The following SPNS3 variants were observed in gnomAD, a reference collection of about 807,000 sequenced individuals.
SPNS3 encodes SPNS lysolipid transporter 3, sphingosine-1-phosphate (putative).
SPNS3 carries 51 observed loss-of-function variants against 54.4 expected under a neutral mutation model. That is an observed-to-expected ratio of 0.94 (90% CI 0.75 to 1.18). The LOEUF is 1.18. Ranked by LOEUF, SPNS3 falls within the 50% of genes most tolerant of loss-of-function variation. The pLI is 0.00. For missense variants in SPNS3, 669 were observed against 677.4 expected (o/e 0.99, Z 0.14); for synonymous variants, 309 against 294.7 (o/e 1.05, Z -0.50).
chr17:4,477,103 C>T (rs1015781894), intron 8 of SPNS3, among the ~76,000 whole-genome samples: 2 of 152,226 alleles, frequency 1.3e-5, no homozygotes, highest in African/African-American at 2.4e-5. Flanking sequence ...ATGCTGGGAA[C>T]CCCCACTCCC....
intron 8 of SPNS3, among the ~76,000 whole-genome samples, chr17:4,468,575 C>A (rs368748180): frequency 1.7e-5 from 2 of 121,158 alleles, no homozygotes; most frequent in African/African-American, 6.4e-5. Context: ...GGGCAGGGGG[C>A]GGTGGCGGCG....
Position 4,486,544 on chromosome 17 carries a change from C to T in SPNS3, c.1411C>T (p.Leu471=). The T allele has an allele frequency of 6.2e-7, 1 of 1,613,306 alleles. No homozygotes were observed. Among genetic ancestry groups the T allele is most frequent in the Non-Finnish European group, 8.5e-7 (1 of 1,179,822 alleles). ...GGCFLLTALY[L]ERDETRAWQP... ...CTGCTTCCTGCTGACTGCGCTGTAC[C>T]TGGAGAGAGACGAGACCCGGGCCTG... The change falls in exon 11 of 12, where the codon CTG becomes TTG. Residue 471 remains leucine, a synonymous_variant. Transcript: ENST00000355530. The surrounding 1 kb of genome is among the most constrained non-coding windows in gnomAD (Gnocchi z 5.5).
intron 8 of SPNS3, among the ~76,000 whole-genome samples, chr17:4,468,334 G>A (rs533743650): frequency 6.8e-4 from 104 of 152,266 alleles, no homozygotes; most frequent in Non-Finnish European, 1.2e-3. Context: ...GGCAGAAACA[G>A]AGAAATCACT....
At position 4,482,744 on chromosome 17, in the gene SPNS3, G is replaced by A. The variant is rs188860455; in HGVS notation, c.1180-3484G>A. Among the ~76,000 whole-genome samples, 16 of 152,192 alleles carry A rather than the reference G, an allele frequency of 1.1e-4. 1 individual carries two copies. In the East Asian group the frequency reaches 1.2e-3, roughly 11 times the overall value. On this transcript the variant is annotated intron_variant, in intron 9 of 11. Transcript: ENST00000355530. The stretch of plus-strand genomic sequence containing the variant: ...CCCCAGGCAGAGCTCCCTGCCTCCC[G>A]AAACCTAGTCATGAGGTCTTCAGCT...
chr17:4,438,295 G>A (rs1369417880), intron 1 of SPNS3, among the ~76,000 whole-genome samples: 1 of 152,170 alleles, frequency 6.6e-6, no homozygotes, highest in Admixed American at 6.5e-5. Context: ...AGCTTCAGAC[G>A]GGCAACCTTG....
intron 8 of SPNS3, among the ~76,000 whole-genome samples, chr17:4,466,591 C>T (rs1971682654): frequency 6.7e-6 from 1 of 149,638 alleles, no homozygotes; most frequent in Non-Finnish European, 1.5e-5. Flanking sequence ...CCTGTAACCC[C>T]AGCATTTTGG....
intron 8 of SPNS3, among the ~76,000 whole-genome samples, chr17:4,463,080 G>A (rs1467651337): frequency 6.6e-6 from 1 of 151,978 alleles, no homozygotes; most frequent in Non-Finnish European, 1.5e-5. Context: ...GTGTGTATAT[G>A]TTCATTCTTG....
At chr17:4,466,697 C>CTAAGTG (rs1971685596) in intron 8 of SPNS3, among the ~76,000 whole-genome samples, 1 of 151,518 alleles carries the variant, frequency 6.6e-6, no homozygotes, top group African/African-American at 2.4e-5. Context: ...CAAAAATTAG[C>CTAAGTG]TGGGCATGGT....
chr17:4,445,020 TGTCTCCTTCA>T lies in SPNS3; in HGVS notation c.266-7_268del. On this transcript the variant is annotated splice_acceptor_variant and splice_polypyrimidine_tract_variant and intron_variant, in intron 2 of 11. Transcript: ENST00000355530. LOFTEE classifies it high-confidence loss of function. ...TGGGGGGATCCAGGCTGCCCCTGTG[TGTCTCCTTCA>T]GTCTTCGTTAGCTGCCTGCTGCTGT... is the stretch of plus-strand genomic sequence containing the variant. 6.2e-7 allele frequency: 1 copy of T among 1,611,720 alleles called. No individual in the cohort carries two copies. The highest frequency in any genetic ancestry group is 1.7e-5 in the Admixed American group (1 of 59,846).
At chr17:4,470,065 G>C (rs1971815503) in intron 8 of SPNS3, among the ~76,000 whole-genome samples, 1 of 152,080 alleles carries the variant, frequency 6.6e-6, no homozygotes, top group Non-Finnish European at 1.5e-5. Flanking sequence ...TTATGGTTAG[G>C]TAAAAATAGT....
intron 4 of SPNS3, 103 bp from the exon 5 acceptor site, chr17:4,446,793 G>C: frequency 1.9e-6 from 2 of 1,077,408 alleles, no homozygotes; most frequent in South Asian, 1.3e-5. Flanking sequence ...CAGAGAGCCA[G>C]CTCCCTGGGG....
At chr17:4,458,561 C>CT (rs1216816348) in intron 8 of SPNS3, among the ~76,000 whole-genome samples, 5 of 99,886 alleles carry the variant, frequency 5.0e-5, no homozygotes, top group Admixed American at 5.0e-4. Flanking sequence ...TCCTTTCTTC[C>CT]TTCCCTCCTT....
chr17:4,435,449 A>T (rs946919554), intron 1 of SPNS3, among the ~76,000 whole-genome samples: 28 of 147,708 alleles, frequency 1.9e-4, no homozygotes, highest in African/African-American at 4.3e-4. Flanking sequence ...TCAAAAAAAA[A>T]AAAATAAAAA....
intron 3 of SPNS3, among the ~76,000 whole-genome samples, 158 bp from the exon 4 acceptor site, chr17:4,445,890 G>A (rs1970971975): frequency 6.6e-6 from 1 of 152,010 alleles, no homozygotes; most frequent in Admixed American, 6.5e-5. Context: ...TTTGACTTTG[G>A]GAACCTGGAG....
Position 4,445,114 on chromosome 17 carries a change from C to A in SPNS3, c.348C>A (p.Phe116Leu). 1 of 1,614,166 alleles carries A rather than the reference C, an allele frequency of 6.2e-7. No homozygotes were observed. Among genetic ancestry groups the A allele is most frequent in the Non-Finnish European group, 8.5e-7 (1 of 1,180,002 alleles). The change falls in exon 3 of 12, where the codon TTC (phenylalanine) becomes TTA (leucine). Residue 116 changes from phenylalanine to leucine, a missense_variant. Coordinates refer to ENST00000355530, the MANE Select transcript of SPNS3 (RefSeq NM_182538.5). Reference sequence around the variant, plus strand: ...ATAGCCGCAAGGCTACCATGAGCTTCGGTATCTTGCTGTGGTCAGGAGCTG... The same window carrying A: ...ATAGCCGCAAGGCTACCATGAGCTTAGGTATCTTGCTGTGGTCAGGAGCTG... ...DRHSRKATMS[F>L]GILLWSGAGL... is the part of the protein sequence containing the mutation.
intron 6 of SPNS3, among the ~76,000 whole-genome samples, chr17:4,448,600 C>T (rs1971068348): frequency 6.6e-6 from 1 of 152,230 alleles, no homozygotes. Context: ...GCCTCAACGT[C>T]CTTTGTATTC....
Position 4,469,818 on chromosome 17 carries a change from G to C in SPNS3, c.1114-8754G>C, listed in dbSNP as rs1456937754. Among the ~76,000 whole-genome samples, 10 of 152,122 alleles carry C rather than the reference G, an allele frequency of 6.6e-5. No homozygotes were observed. The East Asian group carries it at 1.9e-3, about 29-fold the overall frequency. On this transcript the variant is annotated intron_variant, in intron 8 of 11. Transcript: ENST00000355530. ...CAGTGCTACCGTGGTGAGGTCAAGG[G>C]TGGGACCAACAATTCACTGTATCGT...
rs528274521 is a variant in SPNS3, at chr17:4,453,881, A to G, written c.1113+676A>G. Among the ~76,000 whole-genome samples, 6 of 152,324 alleles carry G rather than the reference A, an allele frequency of 3.9e-5. No individual in the cohort carries two copies. In the East Asian group the frequency reaches 1.2e-3, roughly 29 times the overall value. ...CAATGTGGACGCTGCTTTAAGGGCA[A>G]TAATCATGGTAATATCAAGTGTTCC... On this transcript the variant is annotated intron_variant, in intron 8 of 11. Transcript: ENST00000355530.
intron 9 of SPNS3, among the ~76,000 whole-genome samples, chr17:4,479,484 C>T (rs934685630): frequency 7.9e-4 from 121 of 152,262 alleles, no homozygotes; most frequent in African/African-American, 2.8e-3. Context: ...TCCCTGAGCC[C>T]CATGCTCTTC....
Sources: allele counts gnomAD v4.1 joint callset (sites outside exome capture counted in the v4.1 genomes callset), GRCh38; gene constraint gnomAD v4.1.1; non-coding constraint Gnocchi (gnomAD v3.1); transcripts MANE v1.5; gene names NCBI Gene and HGNC (gene_info 2026-07-23, HGNC 2026-07-21).